The following RRN3 variants were observed in gnomAD, a reference collection of about 807,000 sequenced individuals.
RRN3 encodes RNA polymerase I transcription factor RRN3.
In RRN3, 38 loss-of-function variants were observed where a neutral mutation model predicts 82.3. The ratio of observed to expected loss-of-function variants is 0.46; its 90% CI spans 0.36 to 0.61. The LOEUF (loss-of-function observed/expected upper bound fraction) is 0.61. Among genes scored for constraint, RRN3 ranks in the 20% least tolerant of loss-of-function variants. The pLI is 0.00. For missense variants in RRN3, 726 were observed against 793.1 expected, an observed-to-expected ratio of 0.92 and a Z score of 1.02; for synonymous variants, 284 against 284.3, an observed-to-expected ratio of 1.00 and a Z score of 0.01.
At chr16:15,078,433 C>G (rs2045555782) in intron 9 of RRN3, among the ~76,000 whole-genome samples, 2 of 152,092 alleles carry the variant, frequency 1.3e-5, no homozygotes, top group South Asian at 4.2e-4. Context: ...CCACCATCCA[C>G]ATCCTCTCCC....
intron 6 of RRN3, 84 bp downstream of exon 6, chr16:15,085,555 T>G (rs2045882986): frequency 1.7e-5 from 26 of 1,567,602 alleles, no homozygotes; most frequent in Non-Finnish European, 2.3e-5. Context: ...TGGCCTCAAG[T>G]GATCCTCCCG....
At position 15,065,204 on chromosome 16, in the gene RRN3, T is replaced by A; in HGVS notation, c.1706+15A>T. 6.3e-7 allele frequency: 1 copy of A among 1,580,776 alleles called. No individual in the cohort carries two copies. The highest frequency in any genetic ancestry group is 2.2e-5 in the East Asian group (1 of 44,622). On this transcript the variant is annotated intron_variant, in intron 16 of 17. Transcript: ENST00000198767. ...AAATCCACCTCCTCCAGCGTCAATG[T>A]TTAAAAGTACCTACCTCTTCAGCAC... is the stretch of plus-strand genomic sequence containing the variant.
At chr16:15,080,642 G>A (rs2045659570) in intron 8 of RRN3, among the ~76,000 whole-genome samples, 1 of 152,094 alleles carries the variant, frequency 6.6e-6, no homozygotes, top group Non-Finnish European at 1.5e-5. Flanking sequence ...TGTTGCCCAG[G>A]CTGGTCTTCA....
At chr16:15,069,383 A>T (rs1455851109) in intron 14 of RRN3, among the ~76,000 whole-genome samples, 1 of 152,238 alleles carries the variant, frequency 6.6e-6, no homozygotes, top group Non-Finnish European at 1.5e-5. Context: ...CAAAACCATA[A>T]GAATTATTCA....
chr16:15,063,332 A>C (rs1249082827), intron 16 of RRN3, 49 bp from the exon 17 acceptor site: 8 of 1,413,006 alleles, frequency 5.7e-6, no homozygotes, highest in Admixed American at 5.0e-5. Flanking sequence ...CTTCGGCAGA[A>C]GTCAAAATTG....
At chr16:15,061,943 T>G in intron 17 of RRN3, 38 bp from the exon 18 acceptor site, 1 of 1,571,588 alleles carries the variant, frequency 6.4e-7, no homozygotes, top group Non-Finnish European at 8.7e-7. Context: ...ACATCACCAG[T>G]GCTGACTGAA....
chr16:15,074,907 A>G (rs758429814), intron 10 of RRN3, 46 bp from the exon 11 acceptor site: 6 of 1,547,938 alleles, frequency 3.9e-6, no homozygotes, highest in Admixed American at 3.8e-5. Flanking sequence ...ATTCAATGTC[A>G]AAGTGGTTTA....
chr16:15,063,623 T>C (rs2044815235), intron 16 of RRN3, among the ~76,000 whole-genome samples: 1 of 142,552 alleles, frequency 7.0e-6, no homozygotes, highest in Non-Finnish European at 1.5e-5. Flanking sequence ...CAGAATGGCC[T>C]GAACCTGGGA....
chr16:15,081,217 C>A (rs2045690366), intron 8 of RRN3, among the ~76,000 whole-genome samples: 1 of 152,162 alleles, frequency 6.6e-6, no homozygotes, highest in Admixed American at 6.5e-5. Context: ...ATTTTCATTT[C>A]TCTTGGGTAT....
Position 15,080,972 on chromosome 16 carries a change from T to C in RRN3, c.667-876A>G, listed in dbSNP as rs558749639. 9.2e-5 allele frequency among the ~76,000 whole-genome samples: 14 copies of C among 152,340 alleles called. 1 individual carries two copies. In the South Asian group the frequency reaches 2.9e-3, roughly 32 times the overall value. On this transcript the variant is annotated intron_variant, in intron 8 of 17. Coordinates refer to ENST00000198767, the MANE Select transcript of RRN3 (RefSeq NM_018427.5). The stretch of plus-strand genomic sequence containing the variant: ...TTTAGGGTTCAATCATGTTGTAACA[T>C]GTAAACCATTCCTTTCATATCAATG...
intron 10 of RRN3, 178 bp downstream of exon 10, chr16:15,076,380 C>T (rs959734990): frequency 7.9e-5 from 49 of 618,694 alleles, no homozygotes; most frequent in Admixed American, 5.3e-4. Flanking sequence ...TGGAAATAGA[C>T]CAACTATGCT....
intron 4 of RRN3, 44 bp from the exon 5 acceptor site, chr16:15,086,302 A>G: frequency 1.2e-6 from 2 of 1,600,312 alleles, no homozygotes; most frequent in Non-Finnish European, 8.5e-7. Flanking sequence ...TTATTAATAT[A>G]ACATATACTA....
At position 15,083,399 on chromosome 16, in the gene RRN3, A is replaced by AAAAAAG. The variant is rs950939308; in HGVS notation, c.666+108_666+113dup. ...GGGCGACAGAGTGAGACTCGGTCTC[A>AAAAAAG]AAAAAGAAAAAGAAAAAGAAAGACT... is the stretch of plus-strand genomic sequence containing the variant. On this transcript the variant is annotated intron_variant, in intron 8 of 17. Transcript: ENST00000198767. 4.7e-6 allele frequency: 7 copies of AAAAAAG among 1,495,008 alleles called. No individual in the cohort carries two copies. In the Admixed American group the frequency reaches 7.1e-5, roughly 15 times the overall value. The allele number at this position is 1,495,008 out of a possible 1,614,324, so 92.6% of individuals were successfully genotyped here. A position where few individuals can be genotyped will look rare whatever the true frequency, so the allele number is the denominator to read the frequency against.
intron 17 of RRN3, among the ~76,000 whole-genome samples, chr16:15,062,579 G>T (rs923428035): frequency 2.6e-5 from 4 of 152,196 alleles, no homozygotes; most frequent in African/African-American, 9.7e-5. Flanking sequence ...AGGGTATGTT[G>T]CAACCTGCGT....
Position 15,083,503 on chromosome 16 carries a change from G to T in RRN3, c.666+10C>A. The T allele has an allele frequency of 6.2e-7, 1 of 1,608,920 alleles. No individual in the cohort carries two copies. The highest frequency in any genetic ancestry group is 8.5e-7 in the Non-Finnish European group (1 of 1,179,034). Reference sequence around the variant, plus strand: ...TTTTCCATGATGTTCTCAATGAAAAGATTTCTTACCAGTGTTCTCTCTGAT... The same window carrying T: ...TTTTCCATGATGTTCTCAATGAAAATATTTCTTACCAGTGTTCTCTCTGAT... On this transcript the variant is annotated intron_variant, in intron 8 of 17. Coordinates refer to ENST00000198767, the MANE Select transcript of RRN3 (RefSeq NM_018427.5).
At chr16:15,080,952 G>T (rs576356140) in intron 8 of RRN3, among the ~76,000 whole-genome samples, 2 of 151,596 alleles carry the variant, frequency 1.3e-5, no homozygotes, top group African/African-American at 4.8e-5. Flanking sequence ...ATGTTTTTAG[G>T]GTTCAATCAT....
chr16:15,080,782 T>TA (rs2045664875), intron 8 of RRN3, among the ~76,000 whole-genome samples: 1 of 151,926 alleles, frequency 6.6e-6, no homozygotes, highest in African/African-American at 2.4e-5. Flanking sequence ...AGTGCACCCC[T>TA]AAAAAATGAA....
intron 16 of RRN3, among the ~76,000 whole-genome samples, chr16:15,064,858 CAT>C (rs954367149): frequency 6.6e-6 from 1 of 152,222 alleles, no homozygotes; most frequent in Non-Finnish European, 1.5e-5. Context: ...GAAAAGCAAA[CAT>C]GTATCACGTT....
Position 15,063,226 on chromosome 16 carries a change from C to T in RRN3, c.1764G>A (p.Glu588=), listed in dbSNP as rs764341990. The T allele has an allele frequency of 1.1e-5, 17 of 1,613,164 alleles. 1 individual carries two copies. The South Asian group carries it at 1.8e-4, about 17-fold the overall frequency. ...YQVWEDMSAE[E]LQEFKKPMKK... ...TCATGGGTTTCTTGAACTCCTGTAG[C>T]TCTTCAGCACTCATGTCTTCCCACA... The change falls in exon 17 of 18, where the codon GAG becomes GAA. Residue 588 remains glutamate (E), a synonymous_variant. Transcript: ENST00000198767.
Sources: gnomAD v4.1 joint callset for allele counts (sites outside exome capture counted in the v4.1 genomes callset) on GRCh38, gnomAD v4.1.1 for gene constraint, MANE v1.5 for transcripts, NCBI Gene and HGNC (gene_info 2026-07-23, HGNC 2026-07-21) for gene names.